Variants in COL25A1 observed in about 807,000 individuals in gnomAD.
The protein encoded by COL25A1 is collagen alpha-1(XXV) chain.
COL25A1 carries 103 observed loss-of-function variants against 128.4 expected under a neutral mutation model. The observed-to-expected ratio is 0.80, with a 90% CI of 0.68 to 0.94. The LOEUF (loss-of-function observed/expected upper bound fraction) is 0.94, where lower values mean the gene tolerates loss of function less well. Among genes scored for constraint, COL25A1 ranks in the 40% least tolerant of loss-of-function variants. The pLI is 0.00. For missense variants in COL25A1, 745 were observed against 840.0 expected (o/e 0.89, Z 1.40); for synonymous variants, 279 against 277.2 (o/e 1.01, Z -0.06).
chr4:108,976,137 T>A (rs369399733), intron 6 of COL25A1, among the ~76,000 whole-genome samples: 3 of 152,206 alleles, frequency 2.0e-5, no homozygotes, highest in African/African-American at 7.2e-5. Flanking sequence ...CCTACTTCAA[T>A]GTCATAAAGA....
chr4:108,924,426 G>A (rs1247317934), intron 11 of COL25A1, among the ~76,000 whole-genome samples: 1 of 152,096 alleles, frequency 6.6e-6, no homozygotes, highest in African/African-American at 2.4e-5. Context: ...TTCAGCATAT[G>A]GTGAGAAAGT....
At chr4:108,934,748 A>C (rs1356591293) in intron 11 of COL25A1, among the ~76,000 whole-genome samples, 1 of 152,170 alleles carries the variant, frequency 6.6e-6, no homozygotes, top group African/African-American at 2.4e-5. Context: ...TCTGAATAGG[A>C]TTTCTTTAAA....
chr4:108,818,698 A>T (rs1454468294), intron 36 of COL25A1, among the ~76,000 whole-genome samples: 2 of 152,134 alleles, frequency 1.3e-5, no homozygotes, highest in African/African-American at 2.4e-5. Context: ...GGGGCTGCAG[A>T]CTTTTATCAT....
chr4:109,210,734 C>A (rs1777427094), intron 3 of COL25A1, among the ~76,000 whole-genome samples: 2 of 152,140 alleles, frequency 1.3e-5, no homozygotes, highest in Non-Finnish European at 2.9e-5. Flanking sequence ...GTGATGCCAA[C>A]ATCACTCCAT....
chr4:108,830,517 G>C (rs942368684), intron 32 of COL25A1, among the ~76,000 whole-genome samples: 2 of 152,178 alleles, frequency 1.3e-5, no homozygotes, highest in African/African-American at 4.8e-5. Context: ...TTAACTCTGA[G>C]AATCACACTC....
At chr4:109,138,449 A>C (rs1411334602) in intron 3 of COL25A1, among the ~76,000 whole-genome samples, 2 of 152,154 alleles carry the variant, frequency 1.3e-5, no homozygotes, top group Non-Finnish European at 2.9e-5. Context: ...ATAAACATAC[A>C]TGTGCATGTG....
chr4:109,157,588 A>T (rs924708449), intron 3 of COL25A1, among the ~76,000 whole-genome samples: 3 of 152,208 alleles, frequency 2.0e-5, no homozygotes, highest in Non-Finnish European at 2.9e-5. Flanking sequence ...GATGATAATC[A>T]CTTCTCTTAA....
intron 3 of COL25A1, among the ~76,000 whole-genome samples, chr4:109,150,784 G>A (rs554694537): frequency 6.6e-6 from 1 of 152,036 alleles, no homozygotes; most frequent in African/African-American, 2.4e-5. Flanking sequence ...AAGATGATGT[G>A]TACACCAAAT....
rs3041336 is a variant in COL25A1 at position 109,222,059 on chromosome 4, C to CTTTTTTTTT, written c.367+78515_367+78523dup. 4.2e-4 allele frequency among the ~76,000 whole-genome samples: 36 copies of CTTTTTTTTT among 85,750 alleles called. 3 individuals carry two copies. Among genetic ancestry groups the CTTTTTTTTT allele is most frequent in the Middle Eastern group, 8.9e-3 (1 of 112 alleles). The allele number at this position is 85,750 out of a possible 152,430, so 56.3% of individuals were successfully genotyped here. A position where few individuals can be genotyped will look rare whatever the true frequency, so the allele number is the denominator to read the frequency against. On this transcript the variant is annotated intron_variant, in intron 3 of 37. Transcript: ENST00000399132. ...TTTGTATTTGTGCTCTAAATAACTT[C>CTTTTTTTTT]TTTTTTTTTTTTTTTTTTTTTTTGA...
chr4:108,945,211 A>G (rs1223283948), intron 8 of COL25A1, among the ~76,000 whole-genome samples: 1 of 152,260 alleles, frequency 6.6e-6, no homozygotes, highest in East Asian at 1.9e-4. Context: ...ATAGGGTTTT[A>G]GCATTCAAAA....
At chr4:108,884,289 A>G in intron 18 of COL25A1, 67 bp from the exon 19 acceptor site, 9 of 1,420,228 alleles carry the variant, frequency 6.3e-6, no homozygotes, top group Non-Finnish European at 8.9e-6. Context: ...GGAGAAAAAC[A>G]TGGCAAATGT....
intron 5 of COL25A1, among the ~76,000 whole-genome samples, chr4:109,033,843 A>G (rs1270904535): frequency 6.6e-6 from 1 of 152,180 alleles, no homozygotes; most frequent in East Asian, 1.9e-4. Context: ...TTGCACAAAC[A>G]TTAACAATAA....
chr4:109,030,533 C>T (rs544369158), intron 5 of COL25A1, among the ~76,000 whole-genome samples: 2 of 152,160 alleles, frequency 1.3e-5, no homozygotes, highest in African/African-American at 4.8e-5. Flanking sequence ...AGAATTATAT[C>T]TGTGAAAGAC....
chr4:109,079,200 A>G (rs1486009073), intron 3 of COL25A1, among the ~76,000 whole-genome samples: 4 of 152,174 alleles, frequency 2.6e-5, no homozygotes, highest in African/African-American at 9.7e-5. Context: ...AGCTTCACCA[A>G]TCTTTTAGGT....
chr4:108,930,497 C>T (rs1333707600), intron 11 of COL25A1, among the ~76,000 whole-genome samples: 1 of 152,170 alleles, frequency 6.6e-6, no homozygotes, highest in African/African-American at 2.4e-5. Context: ...GTGTGCACCA[C>T]AACAAATTGG....
At chr4:108,847,266 A>G (rs1187607416) in intron 27 of COL25A1, among the ~76,000 whole-genome samples, 2 of 152,100 alleles carry the variant, frequency 1.3e-5, no homozygotes, top group Non-Finnish European at 2.9e-5. Context: ...CATCCTAGGA[A>G]ACTCACTTCA....
chr4:108,885,788 C>G lies in COL25A1; in HGVS notation c.976-1566G>C, dbSNP rs563579487. The stretch of plus-strand genomic sequence containing the variant: ...GATGGCAAATCTATAGCTTTGTATT[C>G]TTTCAGAAAAGTCCCCCCAAACTCA... On this transcript the variant is annotated intron_variant, in intron 18 of 37. Transcript: ENST00000399132. 8.5e-5 allele frequency among the ~76,000 whole-genome samples: 13 copies of G among 152,206 alleles called. No homozygotes were observed. In the East Asian group the frequency reaches 2.5e-3, roughly 29 times the overall value.
chr4:109,209,680 A>G (rs1777334868), intron 3 of COL25A1, among the ~76,000 whole-genome samples: 1 of 152,194 alleles, frequency 6.6e-6, no homozygotes, highest in South Asian at 2.1e-4. Context: ...TAATGTATAT[A>G]ACTCACAGAA....
chr4:108,934,884 T>C (rs979667810), intron 11 of COL25A1, among the ~76,000 whole-genome samples: 1 of 152,188 alleles, frequency 6.6e-6, no homozygotes, highest in Non-Finnish European at 1.5e-5. Context: ...GAGAGAACAA[T>C]TGAGTGATAA....
Sources: gnomAD v4.1 joint callset for allele counts (sites outside exome capture counted in the v4.1 genomes callset) on GRCh38, gnomAD v4.1.1 for gene constraint, MANE v1.5 for transcripts, NCBI Gene and HGNC (gene_info 2026-07-23, HGNC 2026-07-21) for gene names.